TUBB8: variants seen among roughly 807,000 people sequenced by gnomAD.
The protein encoded by TUBB8 is tubulin beta-8 chain.
TUBB8 carries 25 observed loss-of-function variants against 33.7 expected under a neutral mutation model. That is an observed-to-expected ratio of 0.74 (90% CI 0.54 to 1.04). The LOEUF (loss-of-function observed/expected upper bound fraction) is 1.04, where lower values mean the gene tolerates loss of function less well. Ranked by LOEUF, TUBB8 falls within the 50% of genes least tolerant of loss-of-function variation. The pLI, the probability that TUBB8 is intolerant of heterozygous loss-of-function variation, is 0.00. For synonymous variants in TUBB8, 245 were observed against 240.1 expected (o/e 1.02, Z -0.19); for missense variants, 279 against 608.0 (o/e 0.46, Z 5.69).
intron 1 of TUBB8, among the ~76,000 whole-genome samples, chr10:72,688 TA>T (rs1834753586): frequency 6.6e-6 from 1 of 151,864 alleles, no homozygotes; most frequent in East Asian, 1.9e-4. Context: ...CCATCTCTAC[TA>T]AAAATACAAA....
intron 1 of TUBB8, among the ~76,000 whole-genome samples, chr10:73,128 AAC>A (rs1231630776): frequency 6.6e-6 from 1 of 152,262 alleles, no homozygotes; most frequent in Non-Finnish European, 1.5e-5. Flanking sequence ...CTGCAAATTA[AAC>A]AGACTTTCTC....
upstream of TUBB8, among the ~76,000 whole-genome samples, chr10:74,629 A>C (rs1461331049): frequency 6.8e-6 from 1 of 147,704 alleles, no homozygotes; most frequent in Non-Finnish European, 1.5e-5. Context: ...CAGTATCAAA[A>C]AAAAAAAAAA....
chr10:73,930 C>A, intron 1 of TUBB8: 1 of 154,422 alleles, frequency 6.5e-6, no homozygotes. Flanking sequence ...GCGCTCGCCC[C>A]GCTGCACTCG....
intron 1 of TUBB8, among the ~76,000 whole-genome samples, chr10:55,169 T>G (rs1317481193): frequency 6.6e-6 from 1 of 152,214 alleles, no homozygotes; most frequent in Non-Finnish European, 1.5e-5. Context: ...ACCTCTTCCA[T>G]GACAGCAGGC....
At chr10:63,278 G>C (rs780322514) in intron 1 of TUBB8, among the ~76,000 whole-genome samples, 1 of 152,132 alleles carries the variant, frequency 6.6e-6, no homozygotes, top group African/African-American at 2.4e-5. Flanking sequence ...GGGTTTCACC[G>C]TGTTAGCCAG....
rs1198227860 is a variant in TUBB8, at chr10:49,065, C to T, written c.57+117G>A. On this transcript the variant is annotated intron_variant, in intron 1 of 3. Coordinates refer to ENST00000568584, the MANE Select transcript of TUBB8 (RefSeq NM_177987.3). ...CGCCTCGCCAGCCACCCGGTTCCAC[C>T]GTCCCCGGCAGGGAGCCCAGGGGCC... The T allele has an allele frequency of 1.9e-5, 26 of 1,348,432 alleles. No homozygotes were observed. The Admixed American group carries it at 3.4e-4, about 18-fold the overall frequency. The allele number at this position is 1,348,432 out of a possible 1,614,324, so 83.5% of individuals were successfully genotyped here. A position where few individuals can be genotyped will look rare whatever the true frequency, so the allele number is the denominator to read the frequency against.
intron 1 of TUBB8, among the ~76,000 whole-genome samples, chr10:68,378 A>C (rs1834698360): frequency 6.6e-6 from 1 of 152,168 alleles, no homozygotes; most frequent in Non-Finnish European, 1.5e-5. Flanking sequence ...TGACACCTGA[A>C]ATACTGATAT....
At chr10:57,916 G>C (rs1365451265) in intron 1 of TUBB8, among the ~76,000 whole-genome samples, 3 of 151,978 alleles carry the variant, frequency 2.0e-5, no homozygotes, top group Non-Finnish European at 2.9e-5. Flanking sequence ...ACATGACTAG[G>C]CTGCAAAGTT....
upstream of TUBB8, among the ~76,000 whole-genome samples, chr10:76,476 C>A (rs530652980): frequency 6.6e-6 from 1 of 152,310 alleles, no homozygotes; most frequent in South Asian, 2.1e-4. Flanking sequence ...ACTTTCTCCC[C>A]GGCGGCCCCA....
chr10:49,973 C>A (rs1834445337), upstream of TUBB8: 1 of 163,050 alleles, frequency 6.1e-6, no homozygotes, highest in Non-Finnish European at 1.3e-5. Flanking sequence ...GGAGTTATTT[C>A]TTCTGGTAAA....
At chr10:50,138 C>A (rs1834447857), upstream of TUBB8, 1 of 152,416 alleles carries the variant, frequency 6.6e-6, no homozygotes, top group Middle Eastern at 3.2e-3. Context: ...ACAGGTTTAA[C>A]TGGAGAAGGA....
intron 1 of TUBB8, among the ~76,000 whole-genome samples, chr10:68,295 T>C (rs1200526094): frequency 4.6e-5 from 7 of 152,308 alleles, no homozygotes; most frequent in Middle Eastern, 3.4e-3. Context: ...ATATGACACC[T>C]GTAAGGCTGA....
At chr10:73,713 G>A (rs1411915908) in intron 1 of TUBB8, among the ~76,000 whole-genome samples, 5 of 151,792 alleles carry the variant, frequency 3.3e-5, no homozygotes, top group Admixed American at 1.3e-4. Context: ...AGGCTGTGGC[G>A]CCTGCCAGTC....
chr10:66,060 T>C (rs1169882938), intron 1 of TUBB8, among the ~76,000 whole-genome samples: 7 of 152,216 alleles, frequency 4.6e-5, no homozygotes, highest in African/African-American at 1.4e-4. Context: ...AGTGCTTTAC[T>C]CCTAAGATCA....
chr10:73,709 T>C (rs1834767958), intron 1 of TUBB8, among the ~76,000 whole-genome samples: 1 of 151,780 alleles, frequency 6.6e-6, no homozygotes, highest in South Asian at 2.1e-4. Context: ...CCTCAGGCTG[T>C]GGCGCCTGCC....
At chr10:48,542 G>C in intron 3 of TUBB8, 73 bp downstream of exon 3, 1 of 1,410,438 alleles carries the variant, frequency 7.1e-7, no homozygotes, top group Non-Finnish European at 1.0e-6. Context: ...CCCAGAGGAT[G>C]ACCTTAGCAC....
chr10:57,635 G>A (rs1834548829), intron 1 of TUBB8, among the ~76,000 whole-genome samples: 1 of 152,194 alleles, frequency 6.6e-6, no homozygotes, highest in Non-Finnish European at 1.5e-5. Context: ...TGGAGCTGAA[G>A]CAGTGGCCAG....
Position 48,930 on chromosome 10 carries a change from A to G in TUBB8, c.58-18T>C, listed in dbSNP as rs11251919. Reference sequence around the variant, plus strand: ...TCCCAGAACTGCAAGAGACGGGAGGAGACAGACAGGCCGGGGCTGAGTCAG... The same window carrying G: ...TCCCAGAACTGCAAGAGACGGGAGGGGACAGACAGGCCGGGGCTGAGTCAG... On this transcript the variant is annotated intron_variant, in intron 1 of 3. Transcript: ENST00000568584. 0.52 allele frequency: 727,989 copies of G among 1,393,818 alleles called. 195,433 individuals carry two copies. Among genetic ancestry groups the G allele is most frequent in the African/African-American group, 0.57 (39,858 of 69,468 alleles). 86.3% of individuals were successfully genotyped at this position (1,393,818 alleles called of 1,614,324 possible).
chr10:59,156 C>G (rs1313245103), intron 1 of TUBB8, among the ~76,000 whole-genome samples: 1 of 152,028 alleles, frequency 6.6e-6, no homozygotes, highest in Non-Finnish European at 1.5e-5. Context: ...TTATCAAATA[C>G]TTTTTTAGCA....
Sources: allele counts gnomAD v4.1 joint callset (sites outside exome capture counted in the v4.1 genomes callset), GRCh38; gene constraint gnomAD v4.1.1; transcripts MANE v1.5; gene names NCBI Gene and HGNC (gene_info 2026-07-23, HGNC 2026-07-21).